Variants in IFT88 observed in about 807,000 individuals in gnomAD.
IFT88 encodes the protein intraflagellar transport 88, also known as intraflagellar transport protein 88 homolog.
A neutral mutation model predicts 119.5 loss-of-function variants in IFT88; 74 were observed. The observed-to-expected ratio is 0.62, with a 90% CI of 0.51 to 0.75. IFT88 has a LOEUF of 0.75. Among genes scored for constraint, IFT88 ranks in the 30% least tolerant of loss-of-function variants. The probability of loss-of-function intolerance (pLI) is 0.00; values close to 1 mark genes in which losing one functional copy is unlikely to be tolerated. For synonymous variants in IFT88, 279 were observed against 316.7 expected (o/e 0.88, Z 1.26); for missense variants, 961 against 977.7 (o/e 0.98, Z 0.23).
chr13:20,591,337 C>T (rs1240750366), intron 5 of IFT88, among the ~76,000 whole-genome samples: 1 of 152,122 alleles, frequency 6.6e-6, no homozygotes, highest in Non-Finnish European at 1.5e-5. Context: ...TGGTTTCTCT[C>T]ATAGGCATGT....
At chr13:20,575,859 A>G (rs940503376) in intron 2 of IFT88, among the ~76,000 whole-genome samples, 1 of 152,090 alleles carries the variant, frequency 6.6e-6, no homozygotes, top group Admixed American at 6.5e-5. Context: ...GTACATACTG[A>G]TTTCTTTTCG....
chr13:20,642,720 C>G (rs2050135166), intron 18 of IFT88: 1 of 152,044 alleles, frequency 6.6e-6, no homozygotes, highest in Admixed American at 6.6e-5. Flanking sequence ...CCACCCAGTT[C>G]ATGATCAGCT....
At chr13:20,599,380 AAAAG>A (rs1410080988) in intron 10 of IFT88, 67 bp from the exon 11 acceptor site, 1 of 592,800 alleles carries the variant, frequency 1.7e-6, no homozygotes, top group Non-Finnish European at 3.0e-6. Flanking sequence ...AATATGAATT[AAAAG>A]TCATCTAAAA....
intron 21 of IFT88, among the ~76,000 whole-genome samples, chr13:20,654,854 A>G (rs1011100854): frequency 2.0e-5 from 3 of 152,186 alleles, no homozygotes; most frequent in Non-Finnish European, 4.4e-5. Context: ...GAAAGTATAT[A>G]TATACATATG....
At chr13:20,587,401 G>A (rs370210753) in intron 3 of IFT88, among the ~76,000 whole-genome samples, 355 of 152,170 alleles carry the variant, frequency 2.3e-3, no homozygotes, top group South Asian at 0.017. Flanking sequence ...GAGACTACAG[G>A]CGTGAGCCAC....
At chr13:20,618,041 C>G (rs552420061) in intron 14 of IFT88, among the ~76,000 whole-genome samples, 58 of 152,256 alleles carry the variant, frequency 3.8e-4, no homozygotes, top group African/African-American at 1.4e-3. Context: ...CCTGGCCTCC[C>G]AAAGTGTTGG....
chr13:20,679,116 C>T (rs1015592498), intron 24 of IFT88, among the ~76,000 whole-genome samples: 5 of 152,186 alleles, frequency 3.3e-5, no homozygotes, highest in African/African-American at 1.2e-4. Context: ...CACTCGTGCT[C>T]TGTTTCATTA....
chr13:20,574,250 A>ATCAAGG, intron 1 of IFT88, 130 bp from the exon 2 acceptor site: 1 of 427,504 alleles, frequency 2.3e-6, no homozygotes. Flanking sequence ...TGCCAGAGAG[A>ATCAAGG]TCAAGGCTAT....
intron 21 of IFT88, among the ~76,000 whole-genome samples, chr13:20,655,230 G>A (rs866864694): frequency 6.6e-6 from 1 of 151,876 alleles, no homozygotes; most frequent in Admixed American, 6.6e-5. Flanking sequence ...TCAAGAGATC[G>A]AGACCATCCT....
At chr13:20,602,474 G>A (rs2042762303) in intron 12 of IFT88, among the ~76,000 whole-genome samples, 1 of 152,038 alleles carries the variant, frequency 6.6e-6, no homozygotes, top group African/African-American at 2.4e-5. Context: ...CAAAGTGCTG[G>A]GATTACAGGT....
At chr13:20,680,869 C>T (rs1183926509) in intron 24 of IFT88, among the ~76,000 whole-genome samples, 1 of 152,158 alleles carries the variant, frequency 6.6e-6, no homozygotes, top group Non-Finnish European at 1.5e-5. Flanking sequence ...TCGTTGTTAT[C>T]GAATCTCTCC....
chr13:20,575,139 C>T (rs1184036414), intron 2 of IFT88, among the ~76,000 whole-genome samples: 1 of 151,598 alleles, frequency 6.6e-6, no homozygotes, highest in Admixed American at 6.6e-5. Flanking sequence ...TGGTAATCAT[C>T]CTTCTATTCT....
chr13:20,629,236 A>G (rs2047817082), intron 15 of IFT88, among the ~76,000 whole-genome samples: 1 of 152,204 alleles, frequency 6.6e-6, no homozygotes, highest in South Asian at 2.1e-4. Flanking sequence ...AATGCAGCTT[A>G]TAAAACCTAG....
rs2042627535 is a variant in IFT88, at chr13:20,601,776, A to T, written c.884A>T (p.Tyr295Phe). The change falls in exon 12 of 26, where the codon TAT (tyrosine) becomes TTT (phenylalanine). Residue 295 changes from tyrosine to phenylalanine, a missense_variant. Coordinates refer to ENST00000351808, the MANE Select transcript of IFT88 (RefSeq NM_006531.5). Reference sequence around the variant, plus strand: ...CAGTATTCAGATGCTATTAATTCATATGAGCACATAATGAGCATGGCACCA... The same window carrying T: ...CAGTATTCAGATGCTATTAATTCATTTGAGCACATAATGAGCATGGCACCA... ...AGQYSDAINSYEHIMSMAPNL... is the reference protein window; with the variant it reads ...AGQYSDAINSFEHIMSMAPNL... 1 of 1,613,354 alleles carries T rather than the reference A, an allele frequency of 6.2e-7. No homozygotes were observed.
intron 16 of IFT88, chr13:20,631,352 T>G (rs2048177002): frequency 2.5e-6 from 1 of 398,138 alleles, no homozygotes; most frequent in Admixed American, 3.6e-5. Flanking sequence ...CATCATAGAT[T>G]ATGCAACATA....
intron 17 of IFT88, among the ~76,000 whole-genome samples, chr13:20,641,057 G>A (rs1022506807): frequency 1.3e-5 from 2 of 152,128 alleles, no homozygotes; most frequent in African/African-American, 2.4e-5. Context: ...TGAGGTGGGA[G>A]AATCACCTGA....
intron 2 of IFT88, among the ~76,000 whole-genome samples, chr13:20,579,862 G>A (rs2038196013): frequency 6.6e-6 from 1 of 152,220 alleles, no homozygotes; most frequent in Non-Finnish European, 1.5e-5. Context: ...CCTTTATTCA[G>A]CAGTGACGAA....
At chr13:20,634,565 A>G (rs561989951) in intron 16 of IFT88, among the ~76,000 whole-genome samples, 1 of 152,038 alleles carries the variant, frequency 6.6e-6, no homozygotes, top group Non-Finnish European at 1.5e-5. Context: ...GTCTCTACCA[A>G]AAATATAAAA....
At chr13:20,610,679 C>CAA (rs35089663) in intron 13 of IFT88, among the ~76,000 whole-genome samples, 1 of 139,908 alleles carries the variant, frequency 7.1e-6, no homozygotes. Flanking sequence ...CAGACAGTAC[C>CAA]AAAAAAAAAA....
Sources: gnomAD v4.1 joint callset for allele counts (sites outside exome capture counted in the v4.1 genomes callset) on GRCh38, gnomAD v4.1.1 for gene constraint, MANE v1.5 for transcripts, NCBI Gene and HGNC (gene_info 2026-07-23, HGNC 2026-07-21) for gene names.